Variants in FAM135A observed in about 807,000 individuals in gnomAD.
The protein encoded by FAM135A is family with sequence similarity 135 member A, also known as protein FAM135A.
A neutral mutation model predicts 146.8 loss-of-function variants in FAM135A; 79 were observed. The observed-to-expected ratio is 0.54, with a 90% confidence interval of 0.45 to 0.65. The LOEUF (loss-of-function observed/expected upper bound fraction) is 0.65, where lower values mean the gene tolerates loss of function less well. Among genes scored for constraint, FAM135A ranks in the 30% least tolerant of loss-of-function variants. FAM135A has a pLI of 0.00. For synonymous variants in FAM135A, 562 were observed against 603.6 expected (o/e 0.93, Z 1.01); for missense variants, 1,623 against 1,758.2 (o/e 0.92, Z 1.38).
chr6:70,496,282 T>C (rs1424694188), intron 11 of FAM135A, among the ~76,000 whole-genome samples: 1 of 152,178 alleles, frequency 6.6e-6, no homozygotes, highest in Non-Finnish European at 1.5e-5. Flanking sequence ...TTTTCATATG[T>C]TTGTTGGCCA....
chr6:70,525,860 T>G lies in FAM135A; in HGVS notation c.2776T>G (p.Ser926Ala). The G allele has an allele frequency of 6.2e-7, 1 of 1,611,880 alleles. No homozygotes were observed. Among genetic ancestry groups the G allele is most frequent in the Non-Finnish European group, 8.5e-7 (1 of 1,179,250 alleles). ...SIKDPLQFVFSDEETSSDVKS... is the reference protein window; with the variant it reads ...SIKDPLQFVFADEETSSDVKS... Reference sequence around the variant, plus strand: ...TAAAGACCCTTTACAATTTGTTTTTTCAGATGAAGAGACTTCCAGTGATGT... The same window carrying G: ...TAAAGACCCTTTACAATTTGTTTTTGCAGATGAAGAGACTTCCAGTGATGT... The change falls in exon 15 of 22, where the codon TCA becomes GCA. Residue 926 changes from serine to alanine, a missense_variant. Ser to Ala is a moderately conservative substitution (Grantham distance 99). Around this residue, in one of 7 missense-constraint regions of FAM135A, gnomAD observed 1,061 missense variants for 1,113.8 expected, o/e 0.95. Coordinates refer to ENST00000418814, the MANE Select transcript of FAM135A (RefSeq NM_001162529.3).
intron 11 of FAM135A, among the ~76,000 whole-genome samples, chr6:70,500,504 C>T (rs987139097): frequency 5.3e-5 from 8 of 152,176 alleles, no homozygotes; most frequent in Non-Finnish European, 1.0e-4. Flanking sequence ...TCTCACTCTC[C>T]GTCCAGTTTT....
At chr6:70,453,057 C>T (rs1283019775) in intron 5 of FAM135A, among the ~76,000 whole-genome samples, 2 of 151,982 alleles carry the variant, frequency 1.3e-5, no homozygotes, top group African/African-American at 2.4e-5. Context: ...GTTAGTTACT[C>T]ATATTCTAAG....
Position 70,475,740 on chromosome 6 carries a change from A to G in FAM135A, c.368+7A>G, listed in dbSNP as rs1408200462. The G allele has an allele frequency of 6.3e-7, 1 of 1,593,866 alleles. No homozygotes were observed. The highest frequency in any genetic ancestry group is 8.6e-7 in the Non-Finnish European group (1 of 1,169,188). On this transcript the variant is annotated splice_region_variant and intron_variant, in intron 7 of 21. Transcript: ENST00000418814. ...TCACAGATGGAGATTATTCGTAAGTAGCTAATCAATTAAAAAACCTTTAGG... is the reference window on the plus strand; with the variant it reads ...TCACAGATGGAGATTATTCGTAAGTGGCTAATCAATTAAAAAACCTTTAGG...
chr6:70,503,926 G>A (rs1010802106), intron 12 of FAM135A: 1 of 152,080 alleles, frequency 6.6e-6, no homozygotes, highest in Non-Finnish European at 1.5e-5. Flanking sequence ...TCTAACTTGT[G>A]GCTATTACAA....
chr6:70,512,375 A>T (rs368146281), intron 12 of FAM135A, among the ~76,000 whole-genome samples: 3 of 151,722 alleles, frequency 2.0e-5, no homozygotes. Context: ...TATTGCTTAC[A>T]TACATAGGAG....
intron 12 of FAM135A, among the ~76,000 whole-genome samples, chr6:70,507,064 A>G (rs1044245141): frequency 1.3e-5 from 2 of 152,058 alleles, no homozygotes; most frequent in Non-Finnish European, 2.9e-5. Context: ...AAATTAGAAT[A>G]CCAAAGATAA....
At chr6:70,470,827 T>C (rs1658724179) in intron 5 of FAM135A, among the ~76,000 whole-genome samples, 1 of 152,168 alleles carries the variant, frequency 6.6e-6, no homozygotes, top group Non-Finnish European at 1.5e-5. Context: ...GCAAAGACTT[T>C]TGAGTTTTGC....
At chr6:70,507,188 A>G (rs957286674) in intron 12 of FAM135A, among the ~76,000 whole-genome samples, 1 of 152,094 alleles carries the variant, frequency 6.6e-6, no homozygotes, top group Non-Finnish European at 1.5e-5. Context: ...AAAATAAGAA[A>G]ATGTCCTAAT....
intron 10 of FAM135A, among the ~76,000 whole-genome samples, chr6:70,489,870 A>G (rs965584814): frequency 1.4e-4 from 21 of 152,128 alleles, no homozygotes; most frequent in African/African-American, 5.1e-4. Context: ...AGGAGTGCAC[A>G]TGCTTCAGGG....
intron 5 of FAM135A, among the ~76,000 whole-genome samples, chr6:70,456,037 A>T (rs1401396827): frequency 1.3e-5 from 2 of 152,286 alleles, no homozygotes; most frequent in East Asian, 3.9e-4. Flanking sequence ...TTTTTAGTAG[A>T]GATGGGGTTT....
intron 16 of FAM135A, among the ~76,000 whole-genome samples, chr6:70,531,315 T>G (rs1795761816): frequency 6.6e-6 from 1 of 152,220 alleles, no homozygotes; most frequent in South Asian, 2.1e-4. Context: ...CGCTTCTACC[T>G]CTTGGTAGCT....
intron 12 of FAM135A, among the ~76,000 whole-genome samples, 196 bp from the exon 13 acceptor site, chr6:70,522,311 GTTTATA>G (rs146416812): frequency 0.17 from 26,299 of 151,898 alleles, 2,301 homozygotes; most frequent in Middle Eastern, 0.2. Context: ...AATCATAATA[GTTTATA>G]TTTATATATG....
chr6:70,547,727 T>C (rs1799101053), intron 20 of FAM135A, among the ~76,000 whole-genome samples: 1 of 152,230 alleles, frequency 6.6e-6, no homozygotes, highest in Non-Finnish European at 1.5e-5. Flanking sequence ...GGAAAGACTT[T>C]AGACTATGAA....
chr6:70,557,713 A>AAAC (rs1801155050), intron 21 of FAM135A: 1 of 151,270 alleles, frequency 6.6e-6, no homozygotes, highest in Non-Finnish European at 1.5e-5. Context: ...AAAAAAAAAA[A>AAAC]AAAAACCCTG....
chr6:70,429,236 G>C (rs138723782), intron 4 of FAM135A, among the ~76,000 whole-genome samples: 1 of 152,296 alleles, frequency 6.6e-6, no homozygotes, highest in African/African-American at 2.4e-5. Context: ...TTAGGGGCCA[G>C]GTGTGGTGGC....
At chr6:70,518,342 A>G (rs1422233292) in intron 12 of FAM135A, among the ~76,000 whole-genome samples, 1 of 152,186 alleles carries the variant, frequency 6.6e-6, no homozygotes, top group African/African-American at 2.4e-5. Flanking sequence ...TGAAACTAGC[A>G]GAGATTGGGT....
chr6:70,440,120 C>T (rs1006017522), intron 4 of FAM135A, among the ~76,000 whole-genome samples: 1 of 152,150 alleles, frequency 6.6e-6, no homozygotes, highest in Non-Finnish European at 1.5e-5. Context: ...TAATATGTCT[C>T]TTACATTTTC....
At chr6:70,498,822 T>TA (rs1297741317) in intron 11 of FAM135A, among the ~76,000 whole-genome samples, 1 of 152,234 alleles carries the variant, frequency 6.6e-6, no homozygotes, top group Non-Finnish European at 1.5e-5. Context: ...CTAATTTGAT[T>TA]GCACTGTGGT....
Sources: allele counts gnomAD v4.1 joint callset (sites outside exome capture counted in the v4.1 genomes callset), GRCh38; gene constraint gnomAD v4.1.1; regional missense constraint gnomAD v4.1.1; transcripts MANE v1.5; gene names NCBI Gene and HGNC (gene_info 2026-07-23, HGNC 2026-07-21).